The following SLC26A7 variants were observed in gnomAD, a reference collection of about 807,000 sequenced individuals.
SLC26A7 encodes the protein anion exchange transporter.
In SLC26A7, 59 loss-of-function variants were observed where a neutral mutation model predicts 82.5. The observed-to-expected ratio is 0.72, with a 90% CI of 0.58 to 0.89. SLC26A7 has a LOEUF of 0.89. Among genes scored for constraint, SLC26A7 ranks in the 40% least tolerant of loss-of-function variants. SLC26A7 has a pLI of 0.00. For missense variants in SLC26A7, 820 were observed against 793.0 expected, an observed-to-expected ratio of 1.03 and a Z score of -0.41; for synonymous variants, 271 against 274.3, an observed-to-expected ratio of 0.99 and a Z score of 0.12.
chr8:91,209,782 C>T (rs1406291112), intron 1 of SLC26A7, among the ~76,000 whole-genome samples: 1 of 152,038 alleles, frequency 6.6e-6, no homozygotes, highest in Non-Finnish European at 1.5e-5. Context: ...TTATCTATTC[C>T]ATCATGTTAA....
chr8:91,234,761 C>CTCCT lies in SLC26A7; in HGVS notation c.-33-14838_-33-14835dup, dbSNP rs553369118. ...TCATTGTTTCTTTCTCTTTCTCTCTCTCCTTCCTTCCTTCCTTCCTTCCCT... is the reference window on the plus strand; with the variant it reads ...TCATTGTTTCTTTCTCTTTCTCTCTCTCCTTCCTTCCTTCCTTCCTTCCTTCCCT... On this transcript the variant is annotated intron_variant, in intron 2 of 5. Coordinates refer to the SLC26A7 transcript ENST00000522862. Among the ~76,000 whole-genome samples, 92 of 150,020 alleles carry CTCCT rather than the reference C, an allele frequency of 6.1e-4. No homozygotes were observed. In the South Asian group the frequency reaches 9.8e-3, roughly 16 times the overall value.
intron 1 of SLC26A7, among the ~76,000 whole-genome samples, chr8:91,215,276 A>C (rs147765149): frequency 1.3e-5 from 2 of 152,146 alleles, no homozygotes; most frequent in Non-Finnish European, 2.9e-5. Flanking sequence ...ACAGGAAACC[A>C]TCTTATGCTC....
At chr8:91,364,566 G>A (rs1434870318) in intron 13 of SLC26A7, among the ~76,000 whole-genome samples, 1 of 152,086 alleles carries the variant, frequency 6.6e-6, no homozygotes, top group Non-Finnish European at 1.5e-5. Flanking sequence ...TTTAGTGCTT[G>A]TGCAAAGCCC....
chr8:91,389,370 T>A lies in SLC26A7; in HGVS notation c.1708T>A (p.Cys570Ser). 6.2e-7 allele frequency: 1 copy of A among 1,614,046 alleles called. No individual in the cohort carries two copies. ...EASQSCPNEKCYLILDCSGFT... is the reference protein window; with the variant it reads ...EASQSCPNEKSYLILDCSGFT... The stretch of plus-strand genomic sequence containing the variant: ...TTCACAGTCCTGCCCTAATGAGAAG[T>A]GTTATTTAATCCTGGATTGCAGTGG... The change falls in exon 16 of 19, where the codon TGT becomes AGT. Residue 570 changes from cysteine to serine, a missense_variant. Cys to Ser is a moderately radical substitution (Grantham distance 112, BLOSUM62 -1). Transcript: ENST00000276609.
At chr8:91,287,246 T>C (rs988460733) in intron 2 of SLC26A7, among the ~76,000 whole-genome samples, 1 of 152,240 alleles carries the variant, frequency 6.6e-6, no homozygotes, top group African/African-American at 2.4e-5. Flanking sequence ...ATTCCCACTT[T>C]AATTTGATAG....
At chr8:91,304,257 A>G (rs1812242821) in intron 4 of SLC26A7, among the ~76,000 whole-genome samples, 1 of 152,148 alleles carries the variant, frequency 6.6e-6, no homozygotes, top group Non-Finnish European at 1.5e-5. Context: ...CTCATGTTGG[A>G]TTATTATAAT....
chr8:91,249,254 A>C (rs1810593006), upstream of SLC26A7: 1 of 153,828 alleles, frequency 6.5e-6, no homozygotes, highest in African/African-American at 2.4e-5. Context: ...CTCATTAACC[A>C]TTGGGATTGC....
intron 2 of SLC26A7, among the ~76,000 whole-genome samples, chr8:91,284,439 T>C (rs1355979361): frequency 6.6e-6 from 1 of 152,228 alleles, no homozygotes; most frequent in Admixed American, 6.5e-5. Flanking sequence ...ACAATTAAAT[T>C]GTGTTTCTTT....
chr8:91,317,782 C>G (rs1176829067), intron 4 of SLC26A7, among the ~76,000 whole-genome samples: 1 of 151,830 alleles, frequency 6.6e-6, no homozygotes, highest in Non-Finnish European at 1.5e-5. Flanking sequence ...TCCACATAGA[C>G]CCATACATTA....
In SLC26A7 at chr8:91,256,495, A is replaced by G. The variant is rs1174271737; in HGVS notation, c.193+6651A>G. Among the ~76,000 whole-genome samples, 4 of 152,130 alleles carry G rather than the reference A, an allele frequency of 2.6e-5. No homozygotes were observed. The South Asian group carries it at 8.3e-4, about 31-fold the overall frequency. On this transcript the variant is annotated intron_variant, in intron 2 of 18. Transcript: ENST00000276609. The stretch of plus-strand genomic sequence containing the variant: ...GAGTGGTCAGTCTGGGTCTCAGTAC[A>G]TGTATGAGACCTTTTAGGAAGCCAA...
chr8:91,228,979 T>A (rs532260913), intron 2 of SLC26A7, among the ~76,000 whole-genome samples: 1 of 152,254 alleles, frequency 6.6e-6, no homozygotes, highest in South Asian at 2.1e-4. Context: ...TATTTATTGC[T>A]ACTTCTCATA....
intron 2 of SLC26A7, among the ~76,000 whole-genome samples, chr8:91,243,467 C>T (rs1318876030): frequency 6.6e-6 from 1 of 152,080 alleles, no homozygotes; most frequent in Non-Finnish European, 1.5e-5. Context: ...GAGGATAACT[C>T]AGGAGGAGGC....
At chr8:91,267,198 C>A (rs1274258850) in intron 2 of SLC26A7, among the ~76,000 whole-genome samples, 1 of 151,456 alleles carries the variant, frequency 6.6e-6, no homozygotes, top group Admixed American at 6.6e-5. Context: ...TATTGACATT[C>A]CCCCCACCTC....
rs371941748 is a variant in SLC26A7 at position 91,381,325 on chromosome 8, T to A, written c.1676-8013T>A. ...TTGAATTACAACATATAATATGTTG[T>A]AAATCAATATACAACATAATAAAAT... On this transcript the variant is annotated intron_variant, in intron 15 of 18. Transcript: ENST00000276609. Among the ~76,000 whole-genome samples, 9 of 152,250 alleles carry A rather than the reference T, an allele frequency of 5.9e-5. No homozygotes were observed. In the East Asian group the frequency reaches 9.6e-4, roughly 16 times the overall value.
intron 18 of SLC26A7, 168 bp downstream of exon 18, chr8:91,394,207 TC>T (rs1282747005): frequency 6.2e-7 from 1 of 1,611,384 alleles, no homozygotes; most frequent in African/African-American, 1.4e-5. Context: ...ATGTTTCCAT[TC>T]TTTTTTTAGG....
chr8:91,261,584 C>T (rs1191663231), intron 2 of SLC26A7, among the ~76,000 whole-genome samples: 1 of 152,010 alleles, frequency 6.6e-6, no homozygotes, highest in Admixed American at 6.6e-5. Flanking sequence ...AAAATTGGAT[C>T]AACAAACTGG....
chr8:91,359,876 A>ATT (rs537450743), intron 11 of SLC26A7, among the ~76,000 whole-genome samples: 3 of 139,286 alleles, frequency 2.2e-5, no homozygotes, highest in Admixed American at 1.4e-4. Flanking sequence ...TATCCAAGAT[A>ATT]TGTGTGTGTG....
chr8:91,368,648 C>G (rs1180006090), intron 14 of SLC26A7, among the ~76,000 whole-genome samples: 1 of 151,990 alleles, frequency 6.6e-6, no homozygotes, highest in Non-Finnish European at 1.5e-5. Context: ...TGGTCTCGAT[C>G]TCCTGACCTC....
chr8:91,318,670 T>C (rs956245625), intron 5 of SLC26A7, among the ~76,000 whole-genome samples: 9 of 152,152 alleles, frequency 5.9e-5, no homozygotes, highest in Admixed American at 5.9e-4. Flanking sequence ...TGTTGCCAGC[T>C]TCTAATGGAA....
Sources: gnomAD v4.1 joint callset for allele counts (sites outside exome capture counted in the v4.1 genomes callset) on GRCh38, gnomAD v4.1.1 for gene constraint, MANE v1.5 for transcripts, NCBI Gene and HGNC (gene_info 2026-07-23, HGNC 2026-07-21) for gene names.